DNAJC3: variants seen among roughly 807,000 people sequenced by gnomAD.
DNAJC3 encodes the protein DnaJ heat shock protein family (Hsp40) member C3.
DNAJC3 carries 38 observed loss-of-function variants against 68.6 expected under a neutral mutation model. That is an observed-to-expected ratio of 0.55 (90% CI 0.43 to 0.73). DNAJC3 has a LOEUF of 0.73. Ranked by LOEUF, DNAJC3 falls within the 30% of genes least tolerant of loss-of-function variation. The pLI, the probability that DNAJC3 is intolerant of heterozygous loss-of-function variation, is 0.00. For synonymous variants in DNAJC3, 203 were observed against 204.0 expected (o/e 1.00, Z 0.04); for missense variants, 526 against 591.9 (o/e 0.89, Z 1.16).
intron 1 of DNAJC3, among the ~76,000 whole-genome samples, chr13:95,700,533 A>G (rs1880556801): frequency 6.6e-6 from 1 of 152,206 alleles, no homozygotes; most frequent in African/African-American, 2.4e-5. Flanking sequence ...ACCTAATAAG[A>G]CACTATGGAG....
chr13:95,789,538 CT>C (rs199819854), intron 11 of DNAJC3, among the ~76,000 whole-genome samples: 2,274 of 152,288 alleles, frequency 0.015, 61 homozygotes, highest in African/African-American at 0.052. Flanking sequence ...ACCACATTTT[CT>C]TTATCCAGTC....
intron 5 of DNAJC3, among the ~76,000 whole-genome samples, chr13:95,758,470 TA>T (rs752653857): frequency 5.1e-3 from 688 of 134,434 alleles, no homozygotes; most frequent in Admixed American, 4.3e-3. Flanking sequence ...ATCCTGTGTC[TA>T]AAAAAAAAAA....
intron 9 of DNAJC3, 21 bp from the exon 10 acceptor site, chr13:95,785,918 A>G: frequency 6.4e-7 from 1 of 1,567,542 alleles, no homozygotes; most frequent in Non-Finnish European, 8.6e-7. Context: ...TAACAATATT[A>G]TCTTAAACAT....
At chr13:95,709,164 AT>A (rs1566476629) in intron 1 of DNAJC3, 62 bp from the exon 2 acceptor site, 2 of 1,186,572 alleles carry the variant, frequency 1.7e-6, no homozygotes, top group Admixed American at 3.1e-5. Context: ...TTAATATTAT[AT>A]TTTTTAGAAT....
intron 1 of DNAJC3, among the ~76,000 whole-genome samples, chr13:95,683,967 T>TA (rs1880001641): frequency 6.7e-6 from 1 of 148,216 alleles, no homozygotes; most frequent in Non-Finnish European, 1.5e-5. Flanking sequence ...CAGTTCCGGG[T>TA]ATTTCTTTAT....
intron 11 of DNAJC3, among the ~76,000 whole-genome samples, chr13:95,790,483 C>T (rs1883735960): frequency 6.6e-6 from 1 of 152,134 alleles, no homozygotes; most frequent in Non-Finnish European, 1.5e-5. Flanking sequence ...GCCTTACAGA[C>T]TTTATTTTGG....
At chr13:95,714,305 G>A (rs1881067067) in intron 2 of DNAJC3, among the ~76,000 whole-genome samples, 1 of 151,802 alleles carries the variant, frequency 6.6e-6, no homozygotes, top group Non-Finnish European at 1.5e-5. Flanking sequence ...TGAGGCGGGA[G>A]GACTGCTTGA....
chr13:95,677,384 C>T (rs780082276), intron 1 of DNAJC3, 47 bp downstream of exon 1: 27 of 1,529,128 alleles, frequency 1.8e-5, no homozygotes, highest in East Asian at 2.6e-5. Context: ...CCGGACCAGG[C>T]CCCCCGCGCT....
intron 4 of DNAJC3, chr13:95,745,069 A>C (rs369594726): frequency 1.3e-4 from 20 of 152,310 alleles, no homozygotes; most frequent in African/African-American, 4.8e-4. Flanking sequence ...TTGCTCTGGA[A>C]ACTATTAGAG....
At chr13:95,704,381 G>T (rs191684757) in intron 1 of DNAJC3, among the ~76,000 whole-genome samples, 27 of 152,274 alleles carry the variant, frequency 1.8e-4, no homozygotes, top group African/African-American at 6.5e-4. Context: ...ATAATAAACT[G>T]CAGCTTGTAA....
At chr13:95,741,340 T>C (rs182341905) in intron 4 of DNAJC3, among the ~76,000 whole-genome samples, 1 of 152,274 alleles carries the variant, frequency 6.6e-6, no homozygotes, top group Admixed American at 6.5e-5. Context: ...TCAGTGTCAG[T>C]GGTATCTGTG....
At chr13:95,678,477 G>A (rs3843691) in intron 1 of DNAJC3, among the ~76,000 whole-genome samples, 79,858 of 151,958 alleles carry the variant, frequency 0.53, 21,123 homozygotes, top group East Asian at 0.65. Context: ...ATCAGAACAC[G>A]TAGTGTGGCA....
chr13:95,748,986 G>A (rs1480131953), intron 4 of DNAJC3, among the ~76,000 whole-genome samples: 3 of 152,092 alleles, frequency 2.0e-5, no homozygotes, highest in African/African-American at 7.2e-5. Context: ...GTTTTTATTG[G>A]TTCAGATTTA....
intron 4 of DNAJC3, among the ~76,000 whole-genome samples, chr13:95,754,141 A>C (rs1326348314): frequency 1.3e-5 from 2 of 152,200 alleles, no homozygotes; most frequent in Admixed American, 6.5e-5. Flanking sequence ...TGCTTACTGC[A>C]GGGTCATGGC....
intron 1 of DNAJC3, among the ~76,000 whole-genome samples, chr13:95,704,942 C>T (rs933244465): frequency 1.3e-5 from 2 of 150,158 alleles, no homozygotes; most frequent in African/African-American, 5.0e-5. Context: ...ACCTCCACCT[C>T]GTGGGTTCAA....
intron 1 of DNAJC3, 21 bp downstream of exon 1, chr13:95,677,358 G>A: frequency 6.4e-7 from 1 of 1,569,516 alleles, no homozygotes. Flanking sequence ...CCCTGCCCCG[G>A]CCAGGAAGTG....
intron 9 of DNAJC3, among the ~76,000 whole-genome samples, chr13:95,782,575 T>C (rs966538661): frequency 2.6e-5 from 4 of 152,236 alleles, no homozygotes; most frequent in Non-Finnish European, 5.9e-5. Flanking sequence ...CTTTTTTTCA[T>C]ATGTCTGTTG....
intron 9 of DNAJC3, among the ~76,000 whole-genome samples, chr13:95,776,172 T>C (rs1002081762): frequency 6.6e-6 from 1 of 152,176 alleles, no homozygotes; most frequent in African/African-American, 2.4e-5. Context: ...GGATTCTTTT[T>C]TTATTTTGCT....
intron 11 of DNAJC3, among the ~76,000 whole-genome samples, chr13:95,788,682 T>C (rs1594033440): frequency 6.6e-6 from 1 of 152,208 alleles, no homozygotes; most frequent in African/African-American, 2.4e-5. Context: ...ACTGAATTTT[T>C]AAGTAATTAC....
Sources: gnomAD v4.1 joint callset for allele counts (sites outside exome capture counted in the v4.1 genomes callset) on GRCh38, gnomAD v4.1.1 for gene constraint, MANE v1.5 for transcripts, NCBI Gene and HGNC (gene_info 2026-07-23, HGNC 2026-07-21) for gene names.